The following AFF2 variants were observed in gnomAD, a reference collection of about 807,000 sequenced individuals.
The protein encoded by AFF2 is AF4/FMR2 family member 2.
In AFF2, 14 loss-of-function variants were observed where a neutral mutation model predicts 76.9. The observed-to-expected ratio is 0.18, with a 90% CI of 0.12 to 0.28. The LOEUF (loss-of-function observed/expected upper bound fraction) is 0.28, where lower values mean the gene tolerates loss of function less well. Among genes scored for constraint, AFF2 ranks in the 10% least tolerant of loss-of-function variants. The probability of loss-of-function intolerance (pLI) is 1.00; values close to 1 mark genes in which losing one functional copy is unlikely to be tolerated. For missense variants in AFF2, 868 were observed against 1,001.1 expected (o/e 0.87, Z 1.79); for synonymous variants, 398 against 366.7 (o/e 1.09, Z -0.98).
chrX:148,763,314 G>A (rs2069474253), intron 3 of AFF2, among the ~76,000 whole-genome samples: 1 of 111,829 alleles, frequency 8.9e-6, no homozygotes, highest in South Asian at 3.7e-4. Flanking sequence ...TCTGAGATAT[G>A]TGTAGAACAT....
intron 3 of AFF2, among the ~76,000 whole-genome samples, chrX:148,773,702 G>GAAAGA (rs1557268284): frequency 2.3e-5 from 2 of 87,720 alleles, no homozygotes. Context: ...AAGAAAGAAA[G>GAAAGA]AAAGAAAGAA....
intron 1 of AFF2, among the ~76,000 whole-genome samples, chrX:148,523,726 T>G (rs1237626741): frequency 8.9e-6 from 1 of 112,588 alleles, no homozygotes; most frequent in African/African-American, 3.2e-5. Flanking sequence ...ATTGTGCAAG[T>G]GTAAAATGGA....
At chrX:148,878,996 A>G (rs1355046485) in intron 7 of AFF2, among the ~76,000 whole-genome samples, 1 of 112,193 alleles carries the variant, frequency 8.9e-6, no homozygotes, top group Non-Finnish European at 1.9e-5. Context: ...TATTGTGATG[A>G]ATGTATGTGA....
chrX:148,517,915 C>A (rs1459680156), intron 1 of AFF2, among the ~76,000 whole-genome samples: 1 of 106,609 alleles, frequency 9.4e-6, no homozygotes, highest in Non-Finnish European at 1.9e-5. Flanking sequence ...CCCAGCTACT[C>A]AGGAGGCTGA....
chrX:148,815,593 A>G (rs781877774), intron 4 of AFF2, among the ~76,000 whole-genome samples: 1 of 111,895 alleles, frequency 8.9e-6, no homozygotes, highest in South Asian at 3.7e-4. Context: ...AAATGCACTT[A>G]GAACCTGTCA....
intron 7 of AFF2, among the ~76,000 whole-genome samples, chrX:148,879,795 C>G (rs2071077042): frequency 1.9e-5 from 2 of 107,695 alleles, no homozygotes; most frequent in African/African-American, 6.7e-5. Context: ...AAAAACTGTT[C>G]TAAAATCATA....
chrX:148,743,510 G>A (rs186580959), intron 3 of AFF2, among the ~76,000 whole-genome samples: 24 of 111,718 alleles, frequency 2.1e-4, no homozygotes, highest in African/African-American at 6.2e-4. Context: ...ATGAACATTC[G>A]GTAATGATAT....
chrX:148,990,890 T>C (rs951289321), intron 20 of AFF2, among the ~76,000 whole-genome samples: 2 of 112,517 alleles, frequency 1.8e-5, no homozygotes, highest in African/African-American at 6.5e-5. Flanking sequence ...TGACATTAGA[T>C]AGACCATGGC....
intron 7 of AFF2, among the ~76,000 whole-genome samples, chrX:148,866,971 A>G (rs1232579994): frequency 8.9e-6 from 1 of 112,264 alleles, no homozygotes; most frequent in East Asian, 2.8e-4. Context: ...AAGAATGCTC[A>G]TCAACAACGC....
intron 3 of AFF2, among the ~76,000 whole-genome samples, chrX:148,708,713 C>T (rs1206802246): frequency 8.9e-6 from 1 of 112,034 alleles, no homozygotes; most frequent in Non-Finnish European, 1.9e-5. Flanking sequence ...GACTCCGTCT[C>T]AAAAACAAAA....
intron 7 of AFF2, among the ~76,000 whole-genome samples, chrX:148,876,702 A>T (rs2071039370): frequency 9.0e-6 from 1 of 111,368 alleles, no homozygotes; most frequent in African/African-American, 3.3e-5. Context: ...ACTTACAGGG[A>T]TGTCTGGTGG....
intron 7 of AFF2, among the ~76,000 whole-genome samples, chrX:148,862,433 T>G (rs1557276486): frequency 9.0e-6 from 1 of 111,020 alleles, no homozygotes; most frequent in Non-Finnish European, 1.9e-5. Flanking sequence ...AAGAAGATAT[T>G]TTTTAAAAAA....
intron 3 of AFF2, among the ~76,000 whole-genome samples, chrX:148,776,104 G>A (rs1557268562): frequency 9.0e-6 from 1 of 110,942 alleles, no homozygotes; most frequent in Non-Finnish European, 1.9e-5. Context: ...GTGAGAACAT[G>A]CAGTGTTTGG....
At chrX:148,571,780 T>C (rs2053232121) in intron 1 of AFF2, among the ~76,000 whole-genome samples, 1 of 111,360 alleles carries the variant, frequency 9.0e-6, no homozygotes, top group South Asian at 3.7e-4. Flanking sequence ...GATAAAGTAT[T>C]TATGGCCCAA....
At chrX:148,854,012 CT>C (rs1475359362) in intron 7 of AFF2, among the ~76,000 whole-genome samples, 1 of 112,192 alleles carries the variant, frequency 8.9e-6, no homozygotes, top group African/African-American at 3.2e-5. Context: ...TACCCTTTAT[CT>C]TCATGCTTTT....
intron 2 of AFF2, among the ~76,000 whole-genome samples, chrX:148,653,410 G>T (rs1013220635): frequency 8.9e-6 from 1 of 112,013 alleles, no homozygotes; most frequent in Admixed American, 9.5e-5. Context: ...GTTCCTAGTC[G>T]AGTGGCAGAG....
intron 20 of AFF2, among the ~76,000 whole-genome samples, chrX:148,988,519 G>A (rs1170828468): frequency 1.8e-5 from 2 of 112,033 alleles, no homozygotes; most frequent in Admixed American, 1.9e-4. Context: ...TATAATGGAC[G>A]TAATGGTGAT....
At chrX:148,742,093 A>C (rs188383062) in intron 3 of AFF2, among the ~76,000 whole-genome samples, 67 of 111,516 alleles carry the variant, frequency 6.0e-4, no homozygotes, top group African/African-American at 2.0e-3. Context: ...ATCTGGAGCT[A>C]AAATTCACAA....
At chrX:148,833,794 T>A (rs1318431834) in intron 4 of AFF2, among the ~76,000 whole-genome samples, 1 of 111,014 alleles carries the variant, frequency 9.0e-6, no homozygotes, top group African/African-American at 3.3e-5. Flanking sequence ...AACCAATTAC[T>A]TACTACACAC....
Sources: gnomAD v4.1 joint callset for allele counts (sites outside exome capture counted in the v4.1 genomes callset) on GRCh38, gnomAD v4.1.1 for gene constraint, MANE v1.5 for transcripts, NCBI Gene and HGNC (gene_info 2026-07-23, HGNC 2026-07-21) for gene names.